Variants in HMCN1 observed in about 807,000 individuals in gnomAD.
The protein encoded by HMCN1 is hemicentin 1, also known as hemicentin-1.
HMCN1 carries 321 observed loss-of-function variants against 625.9 expected under a neutral mutation model. The ratio of observed to expected loss-of-function variants is 0.51; its 90% CI spans 0.47 to 0.56. The LOEUF (loss-of-function observed/expected upper bound fraction) is 0.56, where lower values mean the gene tolerates loss of function less well. HMCN1 is among the 20% of genes least tolerant of loss of function. The pLI is 0.00. For synonymous variants in HMCN1, 2,425 were observed against 2,417.6 expected, an observed-to-expected ratio of 1.00 and a Z score of -0.09; for missense variants, 6,588 against 6,887.3, an observed-to-expected ratio of 0.96 and a Z score of 1.54.
At position 186,119,797 on chromosome 1, in the gene HMCN1, T is replaced by C; in HGVS notation, c.12009T>C (p.Asn4003=). ...GTGAACTACACGTCATTCTGAACAA[T>C]CCTATTTTATTACCATGTGAAGCAA... ...QPSELHVILN[N]PILLPCEATG... is the part of the protein sequence containing the mutation. Residue 4003 remains asparagine, a synonymous_variant, in exon 79 of 107, where the codon AAT becomes AAC. Transcript: ENST00000271588. 6.2e-7 allele frequency: 1 copy of C among 1,614,082 alleles called. No individual in the cohort carries two copies. Among genetic ancestry groups the C allele is most frequent in the Non-Finnish European group, 8.5e-7 (1 of 1,179,948 alleles).
At chr1:185,780,498 T>TGTA (rs1557962286) in intron 1 of HMCN1, among the ~76,000 whole-genome samples, 1 of 152,196 alleles carries the variant, frequency 6.6e-6, no homozygotes, top group Non-Finnish European at 1.5e-5. Context: ...CATAAATAGC[T>TGTA]CTTATTATTT....
At chr1:185,994,679 G>A in intron 23 of HMCN1, 136 bp from the exon 24 acceptor site, 1 of 817,120 alleles carries the variant, frequency 1.2e-6, no homozygotes, top group Non-Finnish European at 2.0e-6. Flanking sequence ...GCTAGTGAAT[G>A]ATCCGAGCCT....
intron 1 of HMCN1, among the ~76,000 whole-genome samples, chr1:185,788,870 C>A (rs576021385): frequency 6.6e-6 from 1 of 151,896 alleles, no homozygotes; most frequent in African/African-American, 2.4e-5. Context: ...GAAGGAATCA[C>A]GGGAATTTGA....
chr1:185,955,179 C>G (rs909903595), intron 11 of HMCN1, among the ~76,000 whole-genome samples: 6 of 152,058 alleles, frequency 3.9e-5, no homozygotes, highest in South Asian at 2.1e-4. Flanking sequence ...CTTTCTTCCC[C>G]CATTCCAATC....
intron 71 of HMCN1, among the ~76,000 whole-genome samples, chr1:186,112,561 A>G (rs934217806): frequency 3.3e-5 from 5 of 152,190 alleles, no homozygotes; most frequent in African/African-American, 1.2e-4. Context: ...TGATTGAGTC[A>G]CCTGCCCATT....
Position 186,189,694 on chromosome 1 carries a change from A to T in HMCN1, c.16724A>T (p.Glu5575Val), listed in dbSNP as rs1653592895. ...ACAACTTTCCTCATGGTAGATGAGGAACAGACTGTTCCTTTTGCCTTGAGG... is the reference window on the plus strand; with the variant it reads ...ACAACTTTCCTCATGGTAGATGAGGTACAGACTGTTCCTTTTGCCTTGAGG... ...PRTTFLMVDE[E>V]QTVPFALRDE... Residue 5575 changes from glutamate to valine, a missense_variant, in exon 107 of 107, where the codon GAA becomes GTA. Physicochemically the swap from Glu to Val is moderately radical, Grantham distance 121. Coordinates refer to ENST00000271588, the MANE Select transcript of HMCN1 (RefSeq NM_031935.3). The T allele has an allele frequency of 6.2e-7, 1 of 1,613,176 alleles. No homozygotes were observed. Among genetic ancestry groups the T allele is most frequent in the African/African-American group, 1.3e-5 (1 of 74,882 alleles).
chr1:186,171,256 A>T, intron 100 of HMCN1, 81 bp from the exon 101 acceptor site: 3 of 996,692 alleles, frequency 3.0e-6, no homozygotes, highest in African/African-American at 1.6e-5. Flanking sequence ...GGTAATGATC[A>T]AGATCATTAA....
chr1:186,083,914 G>C (rs1179058449), intron 57 of HMCN1, among the ~76,000 whole-genome samples: 2 of 152,066 alleles, frequency 1.3e-5, no homozygotes, highest in Non-Finnish European at 2.9e-5. Context: ...AACCAGAGCA[G>C]GAACACATGT....
At chr1:185,862,420 AAAG>A (rs1479127226) in intron 2 of HMCN1, among the ~76,000 whole-genome samples, 3 of 152,226 alleles carry the variant, frequency 2.0e-5, no homozygotes, top group East Asian at 1.9e-4. Flanking sequence ...TGATTAGATG[AAAG>A]AAGAAGGAGG....
intron 1 of HMCN1, among the ~76,000 whole-genome samples, chr1:185,741,195 C>A (rs1249911885): frequency 1.3e-5 from 2 of 152,100 alleles, no homozygotes; most frequent in Admixed American, 6.5e-5. Flanking sequence ...TCACCAGAAT[C>A]ATACGCCCAA....
chr1:185,994,785 G>C (rs774331367), intron 23 of HMCN1, 30 bp from the exon 24 acceptor site: 2 of 1,604,706 alleles, frequency 1.2e-6, no homozygotes, highest in Non-Finnish European at 1.7e-6. Flanking sequence ...TGTGAAAGTT[G>C]GATTATTAAT....
At chr1:185,742,269 G>T (rs1414412733) in intron 1 of HMCN1, among the ~76,000 whole-genome samples, 3 of 152,064 alleles carry the variant, frequency 2.0e-5, no homozygotes, top group Non-Finnish European at 4.4e-5. Context: ...CTATAAAGAG[G>T]TTCAAAGTAG....
intron 97 of HMCN1, among the ~76,000 whole-genome samples, chr1:186,159,468 T>A (rs1651279883): frequency 6.6e-6 from 1 of 151,846 alleles, no homozygotes; most frequent in African/African-American, 2.4e-5. Context: ...TGAATAGGAG[T>A]GGTGAGAGAG....
Position 186,166,099 on chromosome 1 carries a change from A to C in HMCN1, c.15320-85A>C, listed in dbSNP as rs78002252. The C allele has an allele frequency of 0.13, 194,007 of 1,455,716 alleles. 14,534 individuals are homozygous for C. Among genetic ancestry groups the C allele is most frequent in the Non-Finnish European group, 0.15 (154,681 of 1,046,146 alleles). The allele number at this position is 1,455,716 out of a possible 1,614,324, so 90.2% of individuals were successfully genotyped here. On this transcript the variant is annotated intron_variant, in intron 98 of 106. Transcript: ENST00000271588. ...TTTGATTCAACTTCTTGGCCTCTAT[A>C]AGCAGTTATTTTTACTGGCTTTAAT...
At chr1:185,753,855 C>G (rs529214567) in intron 1 of HMCN1, among the ~76,000 whole-genome samples, 3 of 152,228 alleles carry the variant, frequency 2.0e-5, no homozygotes, top group Admixed American at 6.5e-5. Context: ...TTATGGAAAA[C>G]TGTGGAGATT....
intron 93 of HMCN1, among the ~76,000 whole-genome samples, chr1:186,146,811 C>G (rs958041222): frequency 1.3e-5 from 2 of 152,074 alleles, no homozygotes; most frequent in African/African-American, 4.8e-5. Context: ...AGTAGCAGGG[C>G]CCCAGTGGCA....
At chr1:186,077,913 T>C (rs1045885597) in intron 54 of HMCN1, among the ~76,000 whole-genome samples, 194 bp from the exon 55 acceptor site, 4 of 152,192 alleles carry the variant, frequency 2.6e-5, no homozygotes, top group African/African-American at 9.6e-5. Flanking sequence ...TTCCGATTCA[T>C]ATGTTGGCTC....
intron 56 of HMCN1, 97 bp downstream of exon 56, chr1:186,081,491 TA>T (rs1659168950): frequency 3.6e-6 from 3 of 825,812 alleles, no homozygotes; most frequent in Non-Finnish European, 5.8e-6. Flanking sequence ...TATTAGCTTG[TA>T]AATATTATAT....
At chr1:186,041,937 C>A (rs1378497514) in intron 40 of HMCN1, among the ~76,000 whole-genome samples, 1 of 152,010 alleles carries the variant, frequency 6.6e-6, no homozygotes, top group Admixed American at 6.6e-5. Context: ...AATACATTAC[C>A]TTTTTAAAAA....
Sources: gnomAD v4.1 joint callset for allele counts (sites outside exome capture counted in the v4.1 genomes callset) on GRCh38, gnomAD v4.1.1 for gene constraint, MANE v1.5 for transcripts, NCBI Gene and HGNC (gene_info 2026-07-23, HGNC 2026-07-21) for gene names.